Variants in SLC6A5 observed in about 807,000 individuals in gnomAD.
The protein encoded by SLC6A5 is sodium- and chloride-dependent glycine transporter 2.
Under a neutral mutation model 90.5 loss-of-function variants are expected in SLC6A5, and 58 were observed. The ratio of observed to expected loss-of-function variants is 0.64; its 90% CI spans 0.52 to 0.80. The LOEUF is 0.80. Among genes scored for constraint, SLC6A5 ranks in the 30% least tolerant of loss-of-function variants. SLC6A5 has a pLI of 0.00. For missense variants in SLC6A5, 1,015 were observed against 1,017.6 expected, an observed-to-expected ratio of 1.00 and a Z score of 0.03; for synonymous variants, 427 against 401.4, an observed-to-expected ratio of 1.06 and a Z score of -0.76.
At chr11:20,643,036 C>A (rs574245591) in intron 13 of SLC6A5, among the ~76,000 whole-genome samples, 9 of 152,302 alleles carry the variant, frequency 5.9e-5, no homozygotes, top group African/African-American at 1.9e-4. Flanking sequence ...GGAGCTTGAG[C>A]ACTTTTACCA....
In SLC6A5 at chr11:20,654,871, C is replaced by T. The variant is rs1401793; in HGVS notation, c.*3C>T. On this transcript the variant is annotated 3_prime_UTR_variant, in exon 16 of 16. Coordinates refer to ENST00000525748, the MANE Select transcript of SLC6A5 (RefSeq NM_004211.5). ...TGGAACTGGGCACTCAGTGCTAGTCCAGTGGTGTGGGATGGTCCAGACTTG... is the reference window on the plus strand; with the variant it reads ...TGGAACTGGGCACTCAGTGCTAGTCTAGTGGTGTGGGATGGTCCAGACTTG... 0.2 allele frequency: 319,324 copies of T among 1,613,240 alleles called. 33,964 individuals are homozygous for T. Among genetic ancestry groups the T allele is most frequent in the African/African-American group, 0.27 (20,180 of 74,940 alleles).
chr11:20,630,952 A>C, intron 10 of SLC6A5, 137 bp downstream of exon 10: 1 of 949,594 alleles, frequency 1.1e-6, no homozygotes, highest in Non-Finnish European at 1.6e-6. Context: ...TTCTTTACAG[A>C]GGGACCAAGG....
intron 1 of SLC6A5, among the ~76,000 whole-genome samples, chr11:20,600,375 GAA>G (rs1852440831): frequency 6.7e-6 from 1 of 149,672 alleles, no homozygotes; most frequent in Admixed American, 6.6e-5. Context: ...AGAAGAAGAA[GAA>G]GAAGAAGAAG....
In SLC6A5 at chr11:20,657,709, T is replaced by C. The variant is rs1050642907; in HGVS notation, c.*2841T>C. On this transcript the variant is annotated 3_prime_UTR_variant, in exon 16 of 16. Coordinates refer to ENST00000525748, the MANE Select transcript of SLC6A5 (RefSeq NM_004211.5). ...GTGGAGCATTTTCCACTTGTGAGAT[T>C]ATTTCATAACACCAACAAATGCCAG... The C allele has an allele frequency of 6.6e-6, 1 of 152,200 alleles. No homozygotes were observed. The highest frequency in any genetic ancestry group is 2.4e-5 in the African/African-American group (1 of 41,456). The allele number at this position is 152,200 out of a possible 1,614,324, so 9.4% of individuals were successfully genotyped here. A position where few individuals can be genotyped will look rare whatever the true frequency, so the allele number is the denominator to read the frequency against.
At chr11:20,642,671 G>C (rs370933169) in intron 13 of SLC6A5, among the ~76,000 whole-genome samples, 2 of 152,170 alleles carry the variant, frequency 1.3e-5, no homozygotes, top group Non-Finnish European at 2.9e-5. Flanking sequence ...ATGTGGATTA[G>C]GGGAAAGGAG....
chr11:20,631,490 T>G (rs956701117), intron 10 of SLC6A5, among the ~76,000 whole-genome samples: 1 of 152,246 alleles, frequency 6.6e-6, no homozygotes, highest in African/African-American at 2.4e-5. Flanking sequence ...CTTTCATTTT[T>G]ATTTCACTTA....
Position 20,626,833 on chromosome 11 carries a change from G to T in SLC6A5, c.1386G>T (p.Thr462=), listed in dbSNP as rs544994371. The change falls in exon 8 of 16, where the codon ACG becomes ACT. Residue 462 remains threonine (T), a synonymous_variant. Coordinates refer to ENST00000525748, the MANE Select transcript of SLC6A5 (RefSeq NM_004211.5). ...TCACACCCAAGTGGGAGAAACTCAC[G>T]GATGCCACGGTGGGCTTCTAATTTT... ...YFITPKWEKL[T]DATVWKDAAT... 43 of 1,613,904 alleles carry T rather than the reference G, an allele frequency of 2.7e-5. No homozygotes were observed. The South Asian group carries it at 4.6e-4, about 17-fold the overall frequency.
At position 20,607,041 on chromosome 11, in the gene SLC6A5, T is replaced by G; in HGVS notation, c.714T>G (p.Ala238=). 1 of 1,614,132 alleles carries G rather than the reference T, an allele frequency of 6.2e-7. No individual in the cohort carries two copies. The highest frequency in any genetic ancestry group is 2.2e-5 in the East Asian group (1 of 44,856). The stretch of plus-strand genomic sequence containing the variant: ...TCATCCCTTACCTGATGATGCTGGC[T>G]CTGGCTGGATTACCCATCTTCTTCT... ...AFLIPYLMML[A]LAGLPIFFLE... is the part of the protein sequence containing the mutation. The change falls in exon 4 of 16, where the codon GCT becomes GCG. Residue 238 remains alanine, a synonymous_variant. Coordinates refer to ENST00000525748, the MANE Select transcript of SLC6A5 (RefSeq NM_004211.5).
chr11:20,630,777 A>G lies in SLC6A5; in HGVS notation c.1586A>G (p.Asn529Ser). The G allele has an allele frequency of 3.7e-6, 6 of 1,614,236 alleles. No individual in the cohort carries two copies. Among genetic ancestry groups the G allele is most frequent in the Middle Eastern group, 1.6e-4 (1 of 6,062 alleles). Residue 529 changes from asparagine to serine, a missense_variant, in exon 10 of 16, where the codon AAT becomes AGT. By Grantham distance (46) the Asn-to-Ser change is conservative. Transcript: ENST00000525748. ...VIFSVIGFMA[N>S]ERKVNIENVA... ...TTCTCCGTTATCGGCTTCATGGCCA[A>G]TGAACGCAAAGTCAACATTGAGAAT...
Position 20,629,730 on chromosome 11 carries a change from A to ATT in SLC6A5, c.1500-945_1500-944dup, listed in dbSNP as rs200051883. On this transcript the variant is annotated intron_variant, in intron 9 of 15. Transcript: ENST00000525748. ...AGTCATCTCATAGTGCTGTAGGATGATTTTTTTTTTTTTTTTTGAGATGGA... is the reference window on the plus strand; with the variant it reads ...AGTCATCTCATAGTGCTGTAGGATGATTTTTTTTTTTTTTTTTTTGAGATGGA... Among the ~76,000 whole-genome samples the ATT allele has an allele frequency of 5.3e-4, 73 of 137,760 alleles. 1 individual carries two copies. Among genetic ancestry groups the ATT allele is most frequent in the African/African-American group, 1.7e-3 (65 of 37,448 alleles). The allele number at this position is 137,760 out of a possible 152,430, so 90.4% of individuals were successfully genotyped here. A position where few individuals can be genotyped will look rare whatever the true frequency, so the allele number is the denominator to read the frequency against.
intron 7 of SLC6A5, among the ~76,000 whole-genome samples, 199 bp from the exon 8 acceptor site, chr11:20,626,509 C>T (rs1435710105): frequency 6.6e-6 from 1 of 152,144 alleles, no homozygotes; most frequent in Non-Finnish European, 1.5e-5. Flanking sequence ...TCCTAAGAGG[C>T]TTTATTTCTA....
At chr11:20,645,877 C>G (rs141850261) in intron 13 of SLC6A5, among the ~76,000 whole-genome samples, 1 of 152,098 alleles carries the variant, frequency 6.6e-6, no homozygotes, top group Non-Finnish European at 1.5e-5. Context: ...CCTCGTGATC[C>G]ACCTGCCTTG....
intron 6 of SLC6A5, among the ~76,000 whole-genome samples, chr11:20,616,651 A>G (rs1330755846): frequency 6.6e-6 from 1 of 152,176 alleles, no homozygotes; most frequent in Non-Finnish European, 1.5e-5. Flanking sequence ...TTTGCCGTGG[A>G]ACCAAGTTTA....
Position 20,626,859 on chromosome 11 carries a change from A to G in SLC6A5, c.1395+17A>G. ...GATGCCACGGTGGGCTTCTAATTTT[A>G]TCTATAACCAGCCCTGGGGGAGTGG... On this transcript the variant is annotated intron_variant, in intron 8 of 15. Coordinates refer to ENST00000525748, the MANE Select transcript of SLC6A5 (RefSeq NM_004211.5). 6.2e-7 allele frequency: 1 copy of G among 1,612,570 alleles called. No homozygotes were observed. Among genetic ancestry groups the G allele is most frequent in the South Asian group, 1.1e-5 (1 of 91,020 alleles).
intron 9 of SLC6A5, among the ~76,000 whole-genome samples, chr11:20,629,667 T>C (rs1853069922): frequency 6.6e-6 from 1 of 152,158 alleles, no homozygotes; most frequent in African/African-American, 2.4e-5. Flanking sequence ...TTCATTCTTC[T>C]AGCTGTTTGA....
chr11:20,626,873 C>G (rs767659187), intron 8 of SLC6A5, 31 bp downstream of exon 8: 42 of 1,602,736 alleles, frequency 2.6e-5, no homozygotes, highest in Middle Eastern at 1.7e-4. Context: ...ATAACCAGCC[C>G]TGGGGGAGTG....
rs1446605611 is a variant in SLC6A5, at chr11:20,651,993, C to T, written c.2071-296C>T. On this transcript the variant is annotated intron_variant, in intron 14 of 15. Coordinates refer to ENST00000525748, the MANE Select transcript of SLC6A5 (RefSeq NM_004211.5). ...CTGCCCACCTCTGCCTATTTGTGAC[C>T]TTGGTATGTATCCTTTAAACTTGTC... Among the ~76,000 whole-genome samples, 3 of 152,090 alleles carry T rather than the reference C, an allele frequency of 2.0e-5. No homozygotes were observed. The East Asian group carries it at 5.8e-4, about 29-fold the overall frequency.
Position 20,638,552 on chromosome 11 carries a change from G to A in SLC6A5, c.1963G>A (p.Val655Met), listed in dbSNP as rs1252864877. The change falls in exon 13 of 16, where the codon GTG becomes ATG. Residue 655 changes from valine (V) to methionine (M), a missense_variant. By Grantham distance (21) the Val-to-Met change is conservative (BLOSUM62 1). Transcript: ENST00000525748. The part of the protein sequence containing the change: ...AIFELVGISY[V>M]YGLQRFCEDI... ...TTTTGAGCTCGTGGGGATCTCTTATGTGTATGGTAAGGAAATCACTGTGCC... is the reference window on the plus strand; with the variant it reads ...TTTTGAGCTCGTGGGGATCTCTTATATGTATGGTAAGGAAATCACTGTGCC... 2 of 1,594,392 alleles carry A rather than the reference G, an allele frequency of 1.3e-6. No homozygotes were observed. Among genetic ancestry groups the A allele is most frequent in the Admixed American group, 1.7e-5 (1 of 59,982 alleles).
At chr11:20,639,901 G>A (rs560368915) in intron 13 of SLC6A5, among the ~76,000 whole-genome samples, 22 of 152,332 alleles carry the variant, frequency 1.4e-4, no homozygotes, top group African/African-American at 4.6e-4. Context: ...GTCCTGATGA[G>A]ATCAGAGACC....
Sources: allele counts gnomAD v4.1 joint callset (sites outside exome capture counted in the v4.1 genomes callset), GRCh38; gene constraint gnomAD v4.1.1; transcripts MANE v1.5; gene names NCBI Gene and HGNC (gene_info 2026-07-23, HGNC 2026-07-21).